NCOA6: variants seen among roughly 807,000 people sequenced by gnomAD.
NCOA6 encodes the protein nuclear receptor coactivator 6.
Under a neutral mutation model 171.4 loss-of-function variants are expected in NCOA6, and 49 were observed. That is an observed-to-expected ratio of 0.29 (90% CI 0.23 to 0.36). NCOA6 has a LOEUF of 0.36. NCOA6 is among the 10% of genes least tolerant of loss of function. The pLI, the probability that NCOA6 is intolerant of heterozygous loss-of-function variation, is 1.00. For missense variants in NCOA6, 2,248 were observed against 2,554.5 expected (o/e 0.88, Z 2.59); for synonymous variants, 910 against 927.5 (o/e 0.98, Z 0.34).
chr20:34,727,160 G>A lies in NCOA6; in HGVS notation c.6148+99C>T, dbSNP rs1263391232. The A allele has an allele frequency of 4.3e-6, 6 of 1,386,384 alleles. No homozygotes were observed. In the African/African-American group the frequency reaches 4.3e-5, roughly 10 times the overall value. The allele number at this position is 1,386,384 out of a possible 1,614,324, so 85.9% of individuals were successfully genotyped here. A position where few individuals can be genotyped will look rare whatever the true frequency, so the allele number is the denominator to read the frequency against. ...GACAAAGACACTTGACAGACTTCAG[G>A]AACAGAAGCAATGATGAAGGACAAA... is the stretch of plus-strand genomic sequence containing the variant. On this transcript the variant is annotated intron_variant, in intron 14 of 14. Coordinates refer to ENST00000359003, the MANE Select transcript of NCOA6 (RefSeq NM_014071.5).
intron 5 of NCOA6, among the ~76,000 whole-genome samples, chr20:34,763,053 A>G (rs763763194): frequency 6.6e-6 from 1 of 152,140 alleles, no homozygotes; most frequent in Non-Finnish European, 1.5e-5. Flanking sequence ...CTGTTTTTCA[A>G]TGTTCTGTAG....
At position 34,746,784 on chromosome 20, in the gene NCOA6, T is replaced by C. The variant is rs367588648; in HGVS notation, c.2914+23A>G. ...GCCACATGCACATGTAATAAGTATA[T>C]AATCTAGCTAACATTTTATCACCTG... On this transcript the variant is annotated intron_variant, in intron 10 of 14. Coordinates refer to ENST00000359003, the MANE Select transcript of NCOA6 (RefSeq NM_014071.5). 2.5e-6 allele frequency: 4 copies of C among 1,597,732 alleles called. No homozygotes were observed. The African/African-American group carries it at 4.0e-5, about 16-fold the overall frequency.
rs773483481 is a variant in NCOA6, at chr20:34,740,528, GAGCACCGCC to G, written c.5719_5727del (p.Gly1907_Ala1909del). Reference sequence around the variant, plus strand: ...ACTATCGAGCGTACACTGGTGGGGAGAGCACCGCCAGGTAAGCTGGGTCCTGCTGAGGCA... The same window carrying G: ...ACTATCGAGCGTACACTGGTGGGGAGAGGTAAGCTGGGTCCTGCTGAGGCA... On this transcript the variant is annotated inframe_deletion, in exon 11 of 15. Transcript: ENST00000359003. The G allele has an allele frequency of 5.3e-5, 85 of 1,614,094 alleles. No homozygotes were observed. The highest frequency in any genetic ancestry group is 7.1e-5 in the Non-Finnish European group (84 of 1,180,048).
At chr20:34,818,117 C>T (rs2078900491) in intron 1 of NCOA6, among the ~76,000 whole-genome samples, 1 of 152,204 alleles carries the variant, frequency 6.6e-6, no homozygotes. Flanking sequence ...CCTACCTCAT[C>T]AGGTTGTTGT....
chr20:34,821,932 C>T (rs971356075), intron 1 of NCOA6, among the ~76,000 whole-genome samples: 19 of 152,110 alleles, frequency 1.2e-4, no homozygotes, highest in African/African-American at 4.6e-4. Context: ...CACCCCAAAC[C>T]AGAAATTTAA....
chr20:34,739,857 C>A (rs1283033462), intron 11 of NCOA6, among the ~76,000 whole-genome samples: 1 of 152,058 alleles, frequency 6.6e-6, no homozygotes, highest in Non-Finnish European at 1.5e-5. Context: ...GTTTTGAGAG[C>A]CTTAGCTCTC....
chr20:34,821,754 A>AT (rs1209497249), intron 1 of NCOA6: 1 of 151,872 alleles, frequency 6.6e-6, no homozygotes, highest in Non-Finnish European at 1.5e-5. Context: ...CGCCCGGCTA[A>AT]TTTTTTGTAT....
intron 1 of NCOA6, among the ~76,000 whole-genome samples, chr20:34,801,806 A>G (rs2078265262): frequency 6.6e-6 from 1 of 152,150 alleles, no homozygotes; most frequent in African/African-American, 2.4e-5. Flanking sequence ...TGGAGGTTGC[A>G]ATGAGCCGAG....
intron 1 of NCOA6, among the ~76,000 whole-genome samples, chr20:34,824,557 C>G (rs1223431629): frequency 2.0e-5 from 3 of 152,176 alleles, no homozygotes; most frequent in Non-Finnish European, 4.4e-5. Context: ...GTCACCGCCC[C>G]CAAACAGCCA....
At chr20:34,746,708 C>A in intron 10 of NCOA6, 99 bp downstream of exon 10, 1 of 1,312,652 alleles carries the variant, frequency 7.6e-7, no homozygotes, top group African/African-American at 1.5e-5. Flanking sequence ...GACTAGTTAG[C>A]AGATAAAATA....
chr20:34,764,552 G>T (rs1020750185), intron 5 of NCOA6, among the ~76,000 whole-genome samples: 1 of 151,968 alleles, frequency 6.6e-6, no homozygotes, highest in Middle Eastern at 3.4e-3. Context: ...CAGACATGGT[G>T]GTGGGCACCT....
chr20:34,789,318 T>C (rs1172706940), intron 2 of NCOA6, among the ~76,000 whole-genome samples: 1 of 152,076 alleles, frequency 6.6e-6, no homozygotes, highest in African/African-American at 2.4e-5. Flanking sequence ...TTTAGAAAAA[T>C]ATAAGGATAA....
intron 1 of NCOA6, among the ~76,000 whole-genome samples, chr20:34,804,681 C>T (rs1366522883): frequency 6.6e-6 from 1 of 151,774 alleles, no homozygotes; most frequent in African/African-American, 2.4e-5. Flanking sequence ...AAACATGTTA[C>T]TTCCGCTTTC....
intron 5 of NCOA6, among the ~76,000 whole-genome samples, chr20:34,761,732 C>T (rs1343868837): frequency 6.6e-6 from 1 of 151,868 alleles, no homozygotes; most frequent in African/African-American, 2.4e-5. Context: ...CTTGACTCAC[C>T]ACAACCTCTG....
At position 34,800,899 on chromosome 20, in the gene NCOA6, C is replaced by T. The variant is rs147820271; in HGVS notation, c.-163-8336G>A. Among the ~76,000 whole-genome samples, 1,440 of 152,266 alleles carry T rather than the reference C, an allele frequency of 9.5e-3. 18 individuals are homozygous for T. The highest frequency in any genetic ancestry group is 0.014 in the Middle Eastern group (4 of 294). ...ATTTACAGAACATTTAATCCAATGG[C>T]TGCAGAATCCACATTCTTCTCCTCA... On this transcript the variant is annotated intron_variant, in intron 1 of 14. Coordinates refer to ENST00000359003, the MANE Select transcript of NCOA6 (RefSeq NM_014071.5).
At chr20:34,806,718 G>T (rs1259534978) in intron 1 of NCOA6, among the ~76,000 whole-genome samples, 2 of 152,170 alleles carry the variant, frequency 1.3e-5, no homozygotes, top group African/African-American at 2.4e-5. Context: ...GGCTGTAAAC[G>T]TGTGGATTTA....
At chr20:34,728,786 C>T (rs1990274074) in intron 13 of NCOA6, among the ~76,000 whole-genome samples, 1 of 152,138 alleles carries the variant, frequency 6.6e-6, no homozygotes. Flanking sequence ...CATGAAAAAT[C>T]ATGTTGTAGA....
intron 1 of NCOA6, among the ~76,000 whole-genome samples, chr20:34,799,723 T>A (rs1021414489): frequency 3.3e-5 from 5 of 151,844 alleles, no homozygotes; most frequent in African/African-American, 7.3e-5. Context: ...GGAAAAAAAA[T>A]TTACCCTAGA....
In NCOA6 at chr20:34,715,774, C is replaced by CA. The variant is rs199748719; in HGVS notation, c.6149-410dup. On this transcript the variant is annotated intron_variant, in intron 14 of 14. Coordinates refer to ENST00000359003, the MANE Select transcript of NCOA6 (RefSeq NM_014071.5). ...CAAATGAGTAAATTCTGTTAGAATGCAAAAAAAAACCTGCCTTGGGATCCC... is the reference window on the plus strand; with the variant it reads ...CAAATGAGTAAATTCTGTTAGAATGCAAAAAAAAAACCTGCCTTGGGATCCC... 3.6e-4 allele frequency among the ~76,000 whole-genome samples: 54 copies of CA among 149,958 alleles called. 1 individual carries two copies. The highest frequency in any genetic ancestry group is 1.1e-3 in the South Asian group (5 of 4,758).
Sources: gnomAD v4.1 joint callset for allele counts (sites outside exome capture counted in the v4.1 genomes callset) on GRCh38, gnomAD v4.1.1 for gene constraint, MANE v1.5 for transcripts, NCBI Gene and HGNC (gene_info 2026-07-23, HGNC 2026-07-21) for gene names.